The following ESRP1 variants were observed in gnomAD, a reference collection of about 807,000 sequenced individuals.
The protein encoded by ESRP1 is epithelial splicing regulatory protein 1.
In ESRP1, 33 loss-of-function variants were observed where a neutral mutation model predicts 81.7. That is an observed-to-expected ratio of 0.40 (90% confidence interval 0.31 to 0.54). The LOEUF is 0.54. Among genes scored for constraint, ESRP1 ranks in the 20% least tolerant of loss-of-function variants. ESRP1 has a pLI of 0.41. For missense variants in ESRP1, 672 were observed against 833.1 expected, an observed-to-expected ratio of 0.81 and a Z score of 2.38; for synonymous variants, 320 against 303.3, an observed-to-expected ratio of 1.06 and a Z score of -0.57.
At chr8:94,642,548 C>G (rs1817665008) in intron 2 of ESRP1, among the ~76,000 whole-genome samples, 1 of 152,168 alleles carries the variant, frequency 6.6e-6, no homozygotes, top group African/African-American at 2.4e-5. Context: ...CTGAAGGTGC[C>G]TGCCTGGTTT....
rs530481003 is a variant in ESRP1 at position 94,650,017 on chromosome 8, T to G, written c.490+3735T>G. 2.6e-5 allele frequency among the ~76,000 whole-genome samples: 4 copies of G among 152,228 alleles called. No individual in the cohort carries two copies. In the East Asian group the frequency reaches 7.7e-4, roughly 29 times the overall value. ...CCTCTTCCTCTCCCTGCTCCTTCCCTTCCTCTCCTTCTCTCCCCGTGCCCC... is the reference window on the plus strand; with the variant it reads ...CCTCTTCCTCTCCCTGCTCCTTCCCGTCCTCTCCTTCTCTCCCCGTGCCCC... On this transcript the variant is annotated intron_variant, in intron 4 of 15. Coordinates refer to ENST00000433389, the MANE Select transcript of ESRP1 (RefSeq NM_017697.4).
At chr8:94,647,705 G>A (rs1817918445) in intron 4 of ESRP1, among the ~76,000 whole-genome samples, 1 of 152,168 alleles carries the variant, frequency 6.6e-6, no homozygotes, top group Non-Finnish European at 1.5e-5. Flanking sequence ...TGGGGGAGGT[G>A]GAGGACACAA....
intron 15 of ESRP1, among the ~76,000 whole-genome samples, chr8:94,704,771 A>C (rs911169861): frequency 1.1e-4 from 2 of 17,424 alleles, no homozygotes; most frequent in African/African-American, 3.0e-3. Flanking sequence ...TTTTTGAAAA[A>C]AAAAAAAAAA....
chr8:94,662,322 G>A lies in ESRP1; in HGVS notation c.541G>A (p.Val181Ile). The A allele has an allele frequency of 6.3e-7, 1 of 1,585,930 alleles. No homozygotes were observed. The highest frequency in any genetic ancestry group is 1.8e-5 in the Admixed American group (1 of 54,736). ...SSVSRYGASQVEDMGNIILAM... is the reference protein window; with the variant it reads ...SSVSRYGASQIEDMGNIILAM... ...AGTCTCTCGATATGGAGCCTCTCAAGTTGAAGATATGGGGAATATAATTTT... is the reference window on the plus strand; with the variant it reads ...AGTCTCTCGATATGGAGCCTCTCAAATTGAAGATATGGGGAATATAATTTT... The change falls in exon 5 of 16, where the codon GTT becomes ATT. Residue 181 changes from valine (V) to isoleucine (I), a missense_variant. Transcript: ENST00000433389.
intron 4 of ESRP1, among the ~76,000 whole-genome samples, chr8:94,658,100 C>T (rs1421412662): frequency 3.3e-5 from 5 of 152,166 alleles, no homozygotes; most frequent in Non-Finnish European, 5.9e-5. Context: ...TTAGTCGAGA[C>T]AGGAGTTCAC....
chr8:94,658,997 C>T (rs1183578696), intron 4 of ESRP1, among the ~76,000 whole-genome samples: 2 of 152,072 alleles, frequency 1.3e-5, no homozygotes, highest in Non-Finnish European at 2.9e-5. Flanking sequence ...TTTTCGACCT[C>T]CCAGGCTCAA....
At chr8:94,701,453 C>A (rs945507026) in intron 15 of ESRP1, among the ~76,000 whole-genome samples, 1 of 152,072 alleles carries the variant, frequency 6.6e-6, no homozygotes, top group Non-Finnish European at 1.5e-5. Flanking sequence ...TGGAGATATG[C>A]TTCATTTAAC....
rs977623953 is a variant in ESRP1 at position 94,641,776 on chromosome 8, G to T, written c.133-180G>T. ...ACTTCCAGGGCTTTTCCGACCTATC[G>T]GGTGGGGGGTGGGGCGGGGGGCAGG... On this transcript the variant is annotated intron_variant, in intron 1 of 15. Coordinates refer to ENST00000433389, the MANE Select transcript of ESRP1 (RefSeq NM_017697.4). The T allele has an allele frequency of 9.2e-4, 824 of 900,474 alleles. 1 individual carries two copies. Among genetic ancestry groups the T allele is most frequent in the Non-Finnish European group, 1.1e-3 (738 of 654,000 alleles). The allele number at this position is 900,474 out of a possible 1,614,324, so 55.8% of individuals were successfully genotyped here.
chr8:94,666,889 T>C (rs1393819745), intron 9 of ESRP1, among the ~76,000 whole-genome samples: 1 of 152,186 alleles, frequency 6.6e-6, no homozygotes, highest in Non-Finnish European at 1.5e-5. Flanking sequence ...TTTCATTGTA[T>C]ATGGGCACTG....
rs1186632496 is a variant in ESRP1, at chr8:94,671,599, C to T, written c.1380C>T (p.Asp460=). Residue 460 remains aspartate, a synonymous_variant, in exon 11 of 16, where the codon GAC becomes GAT. Coordinates refer to ENST00000433389, the MANE Select transcript of ESRP1 (RefSeq NM_017697.4). ...TTCCCTATGCAGCCACAATTGAGGA[C>T]ATCCTGGATTTCCTGGGGGAGTTCG... ...RGLPYAATIE[D]ILDFLGEFAT... is the part of the protein sequence containing the mutation. 1 of 1,613,936 alleles carries T rather than the reference C, an allele frequency of 6.2e-7. No homozygotes were observed. Among genetic ancestry groups the T allele is most frequent in the Admixed American group, 1.7e-5 (1 of 60,008 alleles).
At chr8:94,689,295 T>C (rs1042373993) in intron 13 of ESRP1, among the ~76,000 whole-genome samples, 3 of 147,866 alleles carry the variant, frequency 2.0e-5, no homozygotes, top group African/African-American at 7.4e-5. Flanking sequence ...GAACATGGGC[T>C]GCCTTTCCAT....
At chr8:94,679,808 T>C (rs902329587) in intron 13 of ESRP1, among the ~76,000 whole-genome samples, 3 of 152,224 alleles carry the variant, frequency 2.0e-5, no homozygotes, top group African/African-American at 4.8e-5. Context: ...TACACGTGTA[T>C]GCTTCTAAAT....
chr8:94,641,520 G>T, intron 1 of ESRP1, 70 bp downstream of exon 1: 1 of 1,595,136 alleles, frequency 6.3e-7, no homozygotes, highest in East Asian at 2.2e-5. Context: ...TTTGGGCGGG[G>T]AGGGGGGTGG....
intron 14 of ESRP1, 42 bp from the exon 15 acceptor site, chr8:94,696,810 T>G (rs1330809443): frequency 2.1e-6 from 3 of 1,428,504 alleles, no homozygotes; most frequent in Non-Finnish European, 2.9e-6. Context: ...TAGTGACAGT[T>G]TGTCCGTCTT....
intron 4 of ESRP1, among the ~76,000 whole-genome samples, chr8:94,647,434 G>T (rs1271258209): frequency 6.6e-6 from 1 of 152,192 alleles, no homozygotes; most frequent in East Asian, 1.9e-4. Flanking sequence ...TTAAACAAAA[G>T]AAATTTACTT....
rs1342879443 is a variant in ESRP1 at position 94,649,734 on chromosome 8, A to C, written c.490+3452A>C. On this transcript the variant is annotated intron_variant, in intron 4 of 15. Coordinates refer to ENST00000433389, the MANE Select transcript of ESRP1 (RefSeq NM_017697.4). ...CACCATGTTGGCCAGGCTGGTCTCC[A>C]ACTCTTGAGCTCAAGTTATCCACCC... 2.6e-5 allele frequency: 4 copies of C among 152,194 alleles called. No individual in the cohort carries two copies. In the East Asian group the frequency reaches 5.8e-4, roughly 22 times the overall value. The allele number at this position is 152,194 out of a possible 1,614,324, so 9.4% of individuals were successfully genotyped here. A position where few individuals can be genotyped will look rare whatever the true frequency, so the allele number is the denominator to read the frequency against.
chr8:94,660,794 A>G (rs1818706582), intron 4 of ESRP1, among the ~76,000 whole-genome samples: 1 of 151,436 alleles, frequency 6.6e-6, no homozygotes, highest in Non-Finnish European at 1.5e-5. Flanking sequence ...AATTACAGTA[A>G]GTCAACTCTG....
At chr8:94,642,807 C>T (rs941171503) in intron 2 of ESRP1, among the ~76,000 whole-genome samples, 1 of 152,142 alleles carries the variant, frequency 6.6e-6, no homozygotes, top group East Asian at 1.9e-4. Context: ...TCTGCGTTCT[C>T]ACGACCTCTG....
Position 94,648,963 on chromosome 8 carries a change from G to A in ESRP1, c.490+2681G>A, listed in dbSNP as rs549233890. ...TGGCTGGGCACGGTGGCTCATGCCT[G>A]TAATCCCAGCACTTTGGGAGGCCGA... On this transcript the variant is annotated intron_variant, in intron 4 of 15. Transcript: ENST00000433389. Among the ~76,000 whole-genome samples, 24 of 152,324 alleles carry A rather than the reference G, an allele frequency of 1.6e-4. 1 individual carries two copies. The South Asian group carries it at 4.6e-3, about 29-fold the overall frequency.
Sources: allele counts gnomAD v4.1 joint callset (sites outside exome capture counted in the v4.1 genomes callset), GRCh38; gene constraint gnomAD v4.1.1; transcripts MANE v1.5; gene names NCBI Gene and HGNC (gene_info 2026-07-23, HGNC 2026-07-21).